Variants in UPRT observed in about 807,000 individuals in gnomAD.
The protein encoded by UPRT is RP11-311P8.3.
A neutral mutation model predicts 22.6 loss-of-function variants in UPRT; 5 were observed. The ratio of observed to expected loss-of-function variants is 0.22; its 90% CI spans 0.12 to 0.47. UPRT has a LOEUF of 0.47. UPRT is among the 20% of genes least tolerant of loss of function. The pLI, the probability that UPRT is intolerant of heterozygous loss-of-function variation, is 0.99. For missense variants in UPRT, 181 were observed against 239.9 expected, an observed-to-expected ratio of 0.75 and a Z score of 1.62; for synonymous variants, 77 against 87.7, an observed-to-expected ratio of 0.88 and a Z score of 0.68.
chrX:75,183,749 T>C (rs762413341), intron 4 of UPRT, among the ~76,000 whole-genome samples: 17 of 112,551 alleles, frequency 1.5e-4, no homozygotes, highest in South Asian at 3.6e-4. Flanking sequence ...ATTGTGGTTT[T>C]GATTTGCATT....
At chrX:75,279,185 A>G (rs2082643189) in intron 1 of UPRT, among the ~76,000 whole-genome samples, 1 of 111,252 alleles carries the variant, frequency 9.0e-6, no homozygotes, top group Non-Finnish European at 1.9e-5. Context: ...ATGGTGATCC[A>G]GGGATTCCAC....
chrX:75,161,008 T>C (rs1478282812), intron 2 of UPRT, among the ~76,000 whole-genome samples: 1 of 112,800 alleles, frequency 8.9e-6, no homozygotes, highest in Non-Finnish European at 1.9e-5. Context: ...TATGAATATA[T>C]AAACACATAC....
chrX:75,268,158 A>G (rs764140668), intron 4 of UPRT, among the ~76,000 whole-genome samples: 2 of 112,002 alleles, frequency 1.8e-5, no homozygotes, highest in South Asian at 7.4e-4. Context: ...GAAAATCTAG[A>G]AGAAATGAAT....
intron 1 of UPRT, among the ~76,000 whole-genome samples, chrX:75,158,571 C>A (rs1234698586): frequency 2.7e-5 from 3 of 111,166 alleles, no homozygotes; most frequent in Non-Finnish European, 5.7e-5. Flanking sequence ...GGGATGGAGA[C>A]CAAACCTAGG....
At chrX:75,239,931 A>G (rs775229821) in intron 4 of UPRT, among the ~76,000 whole-genome samples, 1 of 111,590 alleles carries the variant, frequency 9.0e-6, no homozygotes, top group African/African-American at 3.2e-5. Flanking sequence ...AAACTGGCAT[A>G]AAAGGGACAT....
At chrX:75,193,625 A>G (rs2082323493) in intron 4 of UPRT, among the ~76,000 whole-genome samples, 1 of 111,007 alleles carries the variant, frequency 9.0e-6, no homozygotes, top group Non-Finnish European at 1.9e-5. Flanking sequence ...TTATTTTATT[A>G]TTCTTGGAGG....
At position 75,268,071 on chromosome X, in the gene UPRT, G is replaced by A. The variant is rs1463917274; in HGVS notation, c.-446-22953G>A. Reference sequence around the variant, plus strand: ...ATAGACACAATAAAAAATGATAAAGGGTATATCACAACTGGTCCCACAGAA... The same window carrying A: ...ATAGACACAATAAAAAATGATAAAGAGTATATCACAACTGGTCCCACAGAA... On this transcript the variant is annotated intron_variant, in intron 4 of 13. Coordinates refer to the UPRT transcript ENST00000652605. Among the ~76,000 whole-genome samples the A allele has an allele frequency of 2.7e-5, 3 of 110,944 alleles. No individual in the cohort carries two copies. The Admixed American group carries it at 2.9e-4, about 11-fold the overall frequency.
chrX:75,264,536 G>C (rs1291477781), intron 4 of UPRT, among the ~76,000 whole-genome samples: 1 of 111,195 alleles, frequency 9.0e-6, no homozygotes, highest in African/African-American at 3.3e-5. Flanking sequence ...TCAGAGACTA[G>C]GATTGCAACC....
intron 4 of UPRT, among the ~76,000 whole-genome samples, chrX:75,229,478 C>A (rs751126156): frequency 8.9e-6 from 1 of 111,897 alleles, no homozygotes; most frequent in South Asian, 3.7e-4. Flanking sequence ...TGAGAGAATT[C>A]GCAGACCCTT....
intron 4 of UPRT, among the ~76,000 whole-genome samples, chrX:75,184,884 T>C (rs2082284270): frequency 8.9e-6 from 1 of 111,759 alleles, no homozygotes; most frequent in Admixed American, 9.5e-5. Context: ...TCCCGAGACT[T>C]TGCTGAAGTT....
At chrX:75,182,718 G>A (rs1266809790) in intron 4 of UPRT, among the ~76,000 whole-genome samples, 1 of 111,560 alleles carries the variant, frequency 9.0e-6, no homozygotes, top group Non-Finnish European at 1.9e-5. Flanking sequence ...TTCTGATTAT[G>A]TTTATTTGGA....
At chrX:75,242,209 T>G (rs990785049) in intron 4 of UPRT, among the ~76,000 whole-genome samples, 5 of 111,479 alleles carry the variant, frequency 4.5e-5, no homozygotes, top group African/African-American at 1.6e-4. Flanking sequence ...TCAACAGTAT[T>G]TGTTCAGAAC....
chrX:75,160,048 G>A (rs5937329), intron 1 of UPRT, among the ~76,000 whole-genome samples: 71,606 of 109,936 alleles, frequency 0.65, 20,717 homozygotes, highest in Non-Finnish European at 0.91. Context: ...GATTACAGGC[G>A]TGAACCTCTA....
chrX:75,297,983 C>CTT lies in UPRT; in HGVS notation c.562+443_562+444dup, dbSNP rs11436262. Reference sequence around the variant, plus strand: ...CTAAATGACTTGTTTGATATTTTTACTTTTTTTTTTTTTTAGACAGGGTCT... The same window carrying CTT: ...CTAAATGACTTGTTTGATATTTTTACTTTTTTTTTTTTTTTTAGACAGGGTCT... On this transcript the variant is annotated intron_variant, in intron 4 of 6. Coordinates refer to ENST00000373383, the MANE Select transcript of UPRT (RefSeq NM_145052.4). Among the ~76,000 whole-genome samples, 289 of 93,400 alleles carry CTT rather than the reference C, an allele frequency of 3.1e-3. 1 individual carries two copies. Among genetic ancestry groups the CTT allele is most frequent in the East Asian group, 9.6e-3 (28 of 2,923 alleles). 81.1% of individuals were successfully genotyped at this position (93,400 alleles called of 115,157 possible).
intron 4 of UPRT, among the ~76,000 whole-genome samples, chrX:75,216,525 G>A (rs923062656): frequency 1.8e-5 from 2 of 112,241 alleles, no homozygotes; most frequent in African/African-American, 6.5e-5. Context: ...AGAAAATATA[G>A]AAGATAAAAG....
At chrX:75,226,439 A>G (rs7876465) in intron 4 of UPRT, among the ~76,000 whole-genome samples, 1,480 of 110,740 alleles carry the variant, frequency 0.013, 17 homozygotes, top group African/African-American at 0.046. Context: ...GTCCTAAAAG[A>G]CTCCACAATC....
At position 75,294,656 on chromosome X, in the gene UPRT, A is replaced by C. The variant is rs767988765; in HGVS notation, c.429+1142A>C. 1.3e-5 allele frequency: 12 copies of C among 918,988 alleles called. No homozygotes were observed. In the South Asian group the frequency reaches 2.7e-4, roughly 21 times the overall value. 75.7% of individuals were successfully genotyped at this position (918,988 alleles called of 1,213,427 possible). On this transcript the variant is annotated intron_variant, in intron 2 of 6. Coordinates refer to ENST00000373383, the MANE Select transcript of UPRT (RefSeq NM_145052.4). ...TTGGTTCAGAGACCAATTTTATTTA[A>C]AATTATTTGAGTTTTCATTGGCAGT...
At chrX:75,224,339 T>C (rs1312948851) in intron 4 of UPRT, among the ~76,000 whole-genome samples, 1 of 111,870 alleles carries the variant, frequency 8.9e-6, no homozygotes, top group Non-Finnish European at 1.9e-5. Context: ...AAATTTTTTA[T>C]TGGAAACTGG....
chrX:75,278,479 G>A (rs1022949564), intron 1 of UPRT, among the ~76,000 whole-genome samples: 7 of 111,454 alleles, frequency 6.3e-5, no homozygotes, highest in African/African-American at 2.0e-4. Context: ...CATTTATGTC[G>A]TTTTGTTGTT....
Sources: allele counts gnomAD v4.1 joint callset (sites outside exome capture counted in the v4.1 genomes callset), GRCh38; gene constraint gnomAD v4.1.1; transcripts MANE v1.5; gene names NCBI Gene and HGNC (gene_info 2026-07-23, HGNC 2026-07-21).